RAD51B: variants seen among roughly 807,000 people sequenced by gnomAD.
The protein encoded by RAD51B is DNA repair protein RAD51 homolog 2.
In RAD51B, 38 loss-of-function variants were observed where a neutral mutation model predicts 42.2. That is an observed-to-expected ratio of 0.90 (90% confidence interval 0.70 to 1.18). The LOEUF is 1.18. RAD51B is among the 50% of genes most tolerant of loss of function. The pLI is 0.00. For synonymous variants in RAD51B, 154 were observed against 145.2 expected (o/e 1.06, Z -0.43); for missense variants, 373 against 400.7 (o/e 0.93, Z 0.59).
At chr14:68,525,467 G>A (rs1364120613) in intron 10 of RAD51B, among the ~76,000 whole-genome samples, 3 of 152,228 alleles carry the variant, frequency 2.0e-5, no homozygotes, top group Non-Finnish European at 4.4e-5. Flanking sequence ...GGAGGACATT[G>A]TCCCATGAGC....
At chr14:68,552,150 T>C (rs1471020462) in intron 10 of RAD51B, among the ~76,000 whole-genome samples, 1 of 152,216 alleles carries the variant, frequency 6.6e-6, no homozygotes, top group Non-Finnish European at 1.5e-5. Flanking sequence ...GATTTAAGCG[T>C]AGTGATGCTG....
At chr14:68,640,310 A>G (rs1051226519) in intron 10 of RAD51B, among the ~76,000 whole-genome samples, 3 of 152,204 alleles carry the variant, frequency 2.0e-5, no homozygotes, top group African/African-American at 7.2e-5. Flanking sequence ...AGGAATAACC[A>G]TGTCAACCTA....
intron 8 of RAD51B, among the ~76,000 whole-genome samples, chr14:68,347,036 G>A (rs1375676949): frequency 1.3e-5 from 2 of 152,002 alleles, no homozygotes; most frequent in Non-Finnish European, 2.9e-5. Context: ...TTCACCCTTA[G>A]GAAGAATGAA....
chr14:67,987,556 TA>T (rs1349233422), intron 7 of RAD51B, among the ~76,000 whole-genome samples: 23 of 152,348 alleles, frequency 1.5e-4, no homozygotes, highest in African/African-American at 5.3e-4. Context: ...TTTGGAATTT[TA>T]AATTGGTAGC....
At position 67,866,838 on chromosome 14, in the gene RAD51B, C is replaced by G. The variant is rs187726782; in HGVS notation, c.452+1699C>G. Among the ~76,000 whole-genome samples, 13 of 152,232 alleles carry G rather than the reference C, an allele frequency of 8.5e-5. No homozygotes were observed. In the East Asian group the frequency reaches 2.5e-3, roughly 29 times the overall value. On this transcript the variant is annotated intron_variant, in intron 5 of 10. Coordinates refer to ENST00000471583, the MANE Select transcript of RAD51B (RefSeq NM_133510.4). ...ATTTCTCCTTCATATCTTTTTCTGC[C>G]AATGTGCATGTTGGTATTTACATCA...
chr14:67,938,909 T>C lies in RAD51B; in HGVS notation c.756+51705T>C, dbSNP rs375190544. Among the ~76,000 whole-genome samples, 6 of 152,282 alleles carry C rather than the reference T, an allele frequency of 3.9e-5. No homozygotes were observed. In the East Asian group the frequency reaches 7.7e-4, roughly 20 times the overall value. ...ATTTGCCATCTAGGGAGATAATTGG[T>C]AAACTTGGGCCTGAGAAAGGAAGAG... is the stretch of plus-strand genomic sequence containing the variant. On this transcript the variant is annotated intron_variant, in intron 7 of 10. Transcript: ENST00000471583.
intron 10 of RAD51B, among the ~76,000 whole-genome samples, chr14:68,504,648 CT>C (rs1180669162): frequency 1.7e-4 from 20 of 114,450 alleles, no homozygotes; most frequent in Non-Finnish European, 2.4e-4. Flanking sequence ...AGGAGTAATC[CT>C]TTTTTTTTCT....
chr14:68,493,468 C>T (rs1423792627), intron 10 of RAD51B, among the ~76,000 whole-genome samples: 2 of 152,126 alleles, frequency 1.3e-5, no homozygotes, highest in African/African-American at 4.8e-5. Context: ...CCACCCTGGC[C>T]ATACTAAAGA....
intron 7 of RAD51B, among the ~76,000 whole-genome samples, chr14:68,278,254 G>C (rs914010710): frequency 4.6e-5 from 7 of 152,238 alleles, no homozygotes; most frequent in Admixed American, 6.5e-5. Flanking sequence ...TCTTCCAGAA[G>C]GATTTAGAAT....
At chr14:68,639,837 C>A (rs996815896) in intron 10 of RAD51B, among the ~76,000 whole-genome samples, 2 of 151,800 alleles carry the variant, frequency 1.3e-5, no homozygotes, top group Admixed American at 1.3e-4. Context: ...TTGTCCAGGC[C>A]GGAGTGCAGT....
At chr14:68,092,436 T>C (rs1194211771) in intron 7 of RAD51B, among the ~76,000 whole-genome samples, 1 of 152,202 alleles carries the variant, frequency 6.6e-6, no homozygotes, top group Non-Finnish European at 1.5e-5. Context: ...GTTCGATTCC[T>C]AGGTATTTTA....
At chr14:68,615,031 C>T (rs149374583), downstream of RAD51B, among the ~76,000 whole-genome samples, 290 of 152,292 alleles carry the variant, frequency 1.9e-3, no homozygotes, top group African/African-American at 6.8e-3. Context: ...TGCCACCAGG[C>T]CCAGCTAATT....
intron 7 of RAD51B, among the ~76,000 whole-genome samples, chr14:67,909,963 A>G (rs1235143974): frequency 6.6e-6 from 1 of 152,234 alleles, no homozygotes; most frequent in East Asian, 1.9e-4. Flanking sequence ...GCCAAAAAAT[A>G]CTTTTTATAA....
chr14:68,614,776 G>T (rs1467846269), downstream of RAD51B, among the ~76,000 whole-genome samples: 3 of 152,214 alleles, frequency 2.0e-5, no homozygotes, highest in African/African-American at 7.2e-5. Context: ...ATGCACATTT[G>T]AGTTGTTTCC....
At chr14:68,406,663 T>C (rs1332824761) in intron 8 of RAD51B, among the ~76,000 whole-genome samples, 15 of 152,226 alleles carry the variant, frequency 9.9e-5, no homozygotes, top group Admixed American at 8.5e-4. Flanking sequence ...AGAGACATTT[T>C]TCTTTCTTCA....
intron 8 of RAD51B, among the ~76,000 whole-genome samples, chr14:68,295,832 C>T (rs2081603461): frequency 6.6e-6 from 1 of 152,186 alleles, no homozygotes; most frequent in Non-Finnish European, 1.5e-5. Context: ...AAGCAGTGTA[C>T]TGTGCACTGC....
At chr14:68,653,303 T>C (rs944189472) in intron 11 of RAD51B, among the ~76,000 whole-genome samples, 4 of 152,170 alleles carry the variant, frequency 2.6e-5, no homozygotes, top group African/African-American at 7.2e-5. Context: ...TAGCGTACTA[T>C]GAGCATGACT....
chr14:68,571,911 C>G (rs554605059), intron 10 of RAD51B, among the ~76,000 whole-genome samples: 1 of 152,048 alleles, frequency 6.6e-6, no homozygotes, highest in Non-Finnish European at 1.5e-5. Flanking sequence ...AGTGAGCAGC[C>G]GCTAAGGGGA....
chr14:68,240,767 C>G (rs1324711486), intron 7 of RAD51B, among the ~76,000 whole-genome samples: 1 of 152,142 alleles, frequency 6.6e-6, no homozygotes, highest in East Asian at 1.9e-4. Context: ...GGACTGTTTT[C>G]TATTTCTTCA....
Sources: gnomAD v4.1 joint callset for allele counts (sites outside exome capture counted in the v4.1 genomes callset) on GRCh38, gnomAD v4.1.1 for gene constraint, MANE v1.5 for transcripts, NCBI Gene and HGNC (gene_info 2026-07-23, HGNC 2026-07-21) for gene names.